EMCN: variants seen among roughly 807,000 people sequenced by gnomAD.
EMCN encodes the protein MUC-14.
EMCN carries 37 observed loss-of-function variants against 38.4 expected under a neutral mutation model. That is an observed-to-expected ratio of 0.96 (90% CI 0.74 to 1.27). The LOEUF is 1.27. EMCN is among the 50% of genes most tolerant of loss of function. The probability of loss-of-function intolerance (pLI) is 0.00; values close to 1 mark genes in which losing one functional copy is unlikely to be tolerated. For synonymous variants in EMCN, 95 were observed against 100.8 expected, an observed-to-expected ratio of 0.94 and a Z score of 0.35; for missense variants, 318 against 302.8, an observed-to-expected ratio of 1.05 and a Z score of -0.37.
At chr4:100,419,355 T>C (rs911535109) in intron 8 of EMCN, among the ~76,000 whole-genome samples, 4 of 152,090 alleles carry the variant, frequency 2.6e-5, no homozygotes, top group African/African-American at 4.8e-5. Context: ...AATTTAATGA[T>C]AACAGTGCTG....
intron 1 of EMCN, among the ~76,000 whole-genome samples, chr4:100,484,053 T>C (rs981076913): frequency 6.6e-6 from 1 of 152,130 alleles, no homozygotes; most frequent in Admixed American, 6.6e-5. Flanking sequence ...TATCCAGACT[T>C]AGAGAGCTCA....
intron 8 of EMCN, among the ~76,000 whole-genome samples, chr4:100,417,746 G>A (rs941386258): frequency 6.6e-6 from 1 of 152,154 alleles, no homozygotes; most frequent in Admixed American, 6.6e-5. Flanking sequence ...AACACCTGGG[G>A]TTTAGAGTGA....
intron 1 of EMCN, chr4:100,486,839 A>C (rs568904411): frequency 2.0e-6 from 2 of 985,080 alleles, no homozygotes; most frequent in Admixed American, 1.2e-4. Context: ...GGAGGTGTAC[A>C]AGGTAAATTG....
intron 7 of EMCN, among the ~76,000 whole-genome samples, chr4:100,422,459 T>G (rs1726915003): frequency 6.6e-6 from 1 of 152,130 alleles, no homozygotes; most frequent in Non-Finnish European, 1.5e-5. Context: ...ATATTCTGTA[T>G]TCAGTCTTAG....
chr4:100,403,650 G>A (rs116825370), intron 11 of EMCN, among the ~76,000 whole-genome samples: 3,945 of 152,076 alleles, frequency 0.026, 70 homozygotes, highest in Non-Finnish European at 0.041. Flanking sequence ...AAATCTCCAG[G>A]CTGTTTCCAC....
chr4:100,445,104 G>A (rs1727631900), intron 5 of EMCN, among the ~76,000 whole-genome samples: 1 of 152,122 alleles, frequency 6.6e-6, no homozygotes, highest in South Asian at 2.1e-4. Context: ...TGTTTCAGTG[G>A]TCTACAGGAT....
intron 7 of EMCN, among the ~76,000 whole-genome samples, chr4:100,422,067 G>C (rs1018631815): frequency 1.3e-5 from 2 of 151,726 alleles, no homozygotes; most frequent in Admixed American, 6.6e-5. Flanking sequence ...AAGGTTAAAA[G>C]TACAGTGATA....
rs994925973 is a variant in EMCN at position 100,395,672 on chromosome 4, C to T, written c.*2741G>A. The T allele has an allele frequency of 1.1e-4, 16 of 152,058 alleles. No individual in the cohort carries two copies. Among genetic ancestry groups the T allele is most frequent in the Admixed American group, 5.2e-4 (8 of 15,256 alleles). The allele number at this position is 152,058 out of a possible 1,614,324, so 9.4% of individuals were successfully genotyped here. On this transcript the variant is annotated 3_prime_UTR_variant, in exon 12 of 12. Coordinates refer to ENST00000296420, the MANE Select transcript of EMCN (RefSeq NM_016242.4). ...GCAAAAAATCAGGAATGTTCATCAT[C>T]GAAGGTTTGACTATGTCCTCGGTTG...
chr4:100,410,462 G>A, intron 10 of EMCN, 107 bp from the exon 11 acceptor site: 1 of 1,103,130 alleles, frequency 9.1e-7, no homozygotes, highest in East Asian at 2.4e-5. Context: ...CAACTTTCCT[G>A]CAAGAATGTC....
At chr4:100,447,501 A>G (rs1319063028) in intron 5 of EMCN, 32 bp downstream of exon 5, 1 of 1,511,360 alleles carries the variant, frequency 6.6e-7, no homozygotes, top group African/African-American at 1.4e-5. Context: ...CCATGAAAAT[A>G]CTAAGAGAGA....
intron 1 of EMCN, 115 bp downstream of exon 1, chr4:100,517,736 C>T (rs1729796057): frequency 1.1e-6 from 1 of 936,092 alleles, no homozygotes; most frequent in Non-Finnish European, 1.7e-6. Context: ...CTCAACTCAT[C>T]AAAGGAATTG....
At chr4:100,421,254 GAAAAC>G in intron 8 of EMCN, 23 bp downstream of exon 8, 1 of 1,586,712 alleles carries the variant, frequency 6.3e-7, no homozygotes. Context: ...CTTCTTTCAG[GAAAAC>G]AAAACAAAAC....
At chr4:100,440,108 T>C (rs541204144) in intron 5 of EMCN, among the ~76,000 whole-genome samples, 1 of 152,294 alleles carries the variant, frequency 6.6e-6, no homozygotes, top group African/African-American at 2.4e-5. Context: ...ATCCTGCTGT[T>C]AAAGTAAAGC....
rs190073847 is a variant in EMCN at position 100,417,956 on chromosome 4, A to G, written c.665-815T>C. On this transcript the variant is annotated intron_variant, in intron 8 of 11. Transcript: ENST00000296420. The stretch of plus-strand genomic sequence containing the variant: ...AGATTTCCTTTTATATGTAATCTAA[A>G]TCTTGTCATTGAGTATGCCCTTTGA... 6.2e-4 allele frequency among the ~76,000 whole-genome samples: 95 copies of G among 152,294 alleles called. No homozygotes were observed. In the East Asian group the frequency reaches 6.6e-3, roughly 11 times the overall value.
chr4:100,468,860 T>A (rs1461520969), intron 3 of EMCN, among the ~76,000 whole-genome samples: 3 of 151,898 alleles, frequency 2.0e-5, no homozygotes. Flanking sequence ...AAAATTCACA[T>A]GTTATTGTTT....
intron 10 of EMCN, among the ~76,000 whole-genome samples, chr4:100,411,992 TAAGC>T (rs1726575615): frequency 6.6e-6 from 1 of 152,132 alleles, no homozygotes; most frequent in South Asian, 2.1e-4. Context: ...TAAAAATAAA[TAAGC>T]AAACAAAGAT....
intron 10 of EMCN, among the ~76,000 whole-genome samples, chr4:100,415,253 T>A (rs183220452): frequency 6.6e-6 from 1 of 152,340 alleles, no homozygotes; most frequent in African/African-American, 2.4e-5. Flanking sequence ...GTGATATCAA[T>A]GGTTTAAATG....
In EMCN at chr4:100,433,588, T is replaced by C. The variant is rs78857396; in HGVS notation, c.416-10184A>G. Among the ~76,000 whole-genome samples, 961 of 152,036 alleles carry C rather than the reference T, an allele frequency of 6.3e-3. 11 individuals carry two copies. Among genetic ancestry groups the C allele is most frequent in the African/African-American group, 0.021 (883 of 41,464 alleles). On this transcript the variant is annotated intron_variant, in intron 5 of 11. Transcript: ENST00000296420. Reference sequence around the variant, plus strand: ...TCTCACTCTGTCATCCAGGCTGGAGTGCAGTGGTGCCATTTCGGCCCACTG... The same window carrying C: ...TCTCACTCTGTCATCCAGGCTGGAGCGCAGTGGTGCCATTTCGGCCCACTG...
intron 4 of EMCN, 63 bp from the exon 5 acceptor site, chr4:100,447,634 C>T: frequency 2.8e-6 from 3 of 1,065,518 alleles, no homozygotes; most frequent in Non-Finnish European, 2.8e-6. Flanking sequence ...GATCTATTCT[C>T]ACAATTGTTT....
Sources: allele counts gnomAD v4.1 joint callset (sites outside exome capture counted in the v4.1 genomes callset), GRCh38; gene constraint gnomAD v4.1.1; transcripts MANE v1.5; gene names NCBI Gene and HGNC (gene_info 2026-07-23, HGNC 2026-07-21).